Variants in ADGRV1 observed in about 807,000 individuals in gnomAD.
ADGRV1 encodes adhesion G protein-coupled receptor V1, also known as G-protein coupled receptor 98.
A neutral mutation model predicts 596.2 loss-of-function variants in ADGRV1; 359 were observed. That is an observed-to-expected ratio of 0.60 (90% CI 0.55 to 0.66). The LOEUF (loss-of-function observed/expected upper bound fraction) is 0.66. ADGRV1 is among the 30% of genes least tolerant of loss of function. ADGRV1 has a pLI of 0.00. For missense variants in ADGRV1, 7,274 were observed against 7,575.6 expected (o/e 0.96, Z 1.48); for synonymous variants, 2,681 against 2,679.2 (o/e 1.00, Z -0.02).
chr5:91,157,095 G>A (rs1405483670), intron 89 of ADGRV1, among the ~76,000 whole-genome samples: 2 of 152,174 alleles, frequency 1.3e-5, no homozygotes, highest in Non-Finnish European at 2.9e-5. Context: ...CCATGTCACT[G>A]GTTTATGCAA....
At chr5:91,141,838 G>A (rs1443789709) in intron 87 of ADGRV1, among the ~76,000 whole-genome samples, 2 of 152,144 alleles carry the variant, frequency 1.3e-5, no homozygotes, top group Non-Finnish European at 2.9e-5. Context: ...GACAGCAAAA[G>A]CAACAAGCCC....
intron 1 of ADGRV1, among the ~76,000 whole-genome samples, chr5:90,576,198 T>A (rs1196914651): frequency 6.6e-6 from 1 of 152,140 alleles, no homozygotes; most frequent in African/African-American, 2.4e-5. Context: ...TGTGTCATGT[T>A]GGTTTGCTGC....
At chr5:90,662,953 A>C (rs1359687447) in intron 21 of ADGRV1, among the ~76,000 whole-genome samples, 1 of 150,594 alleles carries the variant, frequency 6.6e-6, no homozygotes, top group African/African-American at 2.4e-5. Context: ...ATCATTTTTT[A>C]TGGCTGCATA....
chr5:90,810,686 G>T lies in ADGRV1; in HGVS notation c.15426G>T (p.Val5142=). 1 of 1,613,830 alleles carries T rather than the reference G, an allele frequency of 6.2e-7. No individual in the cohort carries two copies. Among genetic ancestry groups the T allele is most frequent in the Non-Finnish European group, 8.5e-7 (1 of 1,179,836 alleles). The stretch of plus-strand genomic sequence containing the variant: ...ATATTTCCTTCCCCGAGACAACTGT[G>T]GCTGTAGCAGTTGACACAACTCTCA... The part of the protein sequence containing the change: ...GMDISFPETT[V]AVAVDTTLIP... Residue 5142 remains valine, a synonymous_variant, in exon 74 of 90, where the codon GTG becomes GTT. Coordinates refer to ENST00000405460, the MANE Select transcript of ADGRV1 (RefSeq NM_032119.4).
chr5:90,597,839 A>G (rs1258964557), intron 1 of ADGRV1, among the ~76,000 whole-genome samples: 2 of 152,224 alleles, frequency 1.3e-5, no homozygotes, highest in Non-Finnish European at 2.9e-5. Flanking sequence ...TTATTCTTAG[A>G]GAAGAGTATG....
intron 50 of ADGRV1, among the ~76,000 whole-genome samples, chr5:90,734,731 A>T (rs905477191): frequency 2.6e-5 from 4 of 151,732 alleles, no homozygotes; most frequent in African/African-American, 7.3e-5. Flanking sequence ...GATTACAGGC[A>T]CCTGCCACCA....
intron 17 of ADGRV1, among the ~76,000 whole-genome samples, chr5:90,649,744 C>T (rs1173914172): frequency 2.0e-5 from 3 of 152,172 alleles, no homozygotes; most frequent in Non-Finnish European, 4.4e-5. Flanking sequence ...CCGCCTGGGC[C>T]CCCCAGGGTG....
intron 72 of ADGRV1, 22 bp downstream of exon 72, chr5:90,805,480 A>T (rs759567287): frequency 7.7e-6 from 12 of 1,555,132 alleles, no homozygotes; most frequent in Non-Finnish European, 1.1e-5. Flanking sequence ...TTTTTCTAAG[A>T]TGAGTCCTGT....
chr5:90,919,994 CAAAAAAAAAAAAAA>C (rs59122926), intron 83 of ADGRV1, among the ~76,000 whole-genome samples: 1 of 80,082 alleles, frequency 1.2e-5, no homozygotes, highest in Non-Finnish European at 2.5e-5. Flanking sequence ...AACTCCATCT[CAAAAAAAAAAAAAA>C]AAAAAAAGAA....
chr5:90,783,310 T>A lies in ADGRV1; in HGVS notation c.13418T>A (p.Ile4473Asn), dbSNP rs749361612. The A allele has an allele frequency of 6.2e-7, 1 of 1,609,594 alleles. No individual in the cohort carries two copies. Among genetic ancestry groups the A allele is most frequent in the Non-Finnish European group, 8.5e-7 (1 of 1,176,390 alleles). Residue 4473 changes from isoleucine (I) to asparagine (N), a missense_variant, in exon 66 of 90, where the codon ATT becomes AAT. Ile to Asn is a moderately radical substitution (Grantham distance 149). This residue lies in a region of ADGRV1 where 3,643 missense variants were observed against 3,809.2 expected (regional missense o/e 0.96). Transcript: ENST00000405460. ...TTAAGTTTTATAAATATCTCCATCATTGATGACAATGAAAGGTTGGTATAT... is the reference window on the plus strand; with the variant it reads ...TTAAGTTTTATAAATATCTCCATCAATGATGACAATGAAAGGTTGGTATAT... ...QNLSFINISI[I>N]DDNESEFEEP...
intron 9 of ADGRV1, among the ~76,000 whole-genome samples, chr5:90,633,735 A>T (rs1461456572): frequency 6.6e-6 from 1 of 152,122 alleles, no homozygotes; most frequent in Admixed American, 6.6e-5. Flanking sequence ...ACTAAAGATC[A>T]CGTTTTATTT....
In ADGRV1 at chr5:91,157,916, T is replaced by C. The variant is rs866726579; in HGVS notation, c.18802+4518T>C. On this transcript the variant is annotated intron_variant, in intron 89 of 89. Coordinates refer to ENST00000405460, the MANE Select transcript of ADGRV1 (RefSeq NM_032119.4). ...CTGAAGACTTCTACTTCAGGTGCTT[T>C]ACATCCTGCAGAGGCACTGACCTGG... Among the ~76,000 whole-genome samples the C allele has an allele frequency of 6.6e-5, 10 of 152,192 alleles. 1 individual carries two copies. Among genetic ancestry groups the C allele is most frequent in the Middle Eastern group, 3.2e-3 (1 of 316 alleles).
At chr5:91,108,874 G>A (rs1012471209) in intron 87 of ADGRV1, among the ~76,000 whole-genome samples, 5 of 152,218 alleles carry the variant, frequency 3.3e-5, no homozygotes, top group African/African-American at 4.8e-5. Flanking sequence ...TGGGATTATA[G>A]GCATGAGCCA....
chr5:90,940,754 A>G (rs1261590299), intron 83 of ADGRV1, among the ~76,000 whole-genome samples: 2 of 152,142 alleles, frequency 1.3e-5, no homozygotes, highest in East Asian at 3.9e-4. Flanking sequence ...ACTAGTTAGT[A>G]GTGACACAGA....
intron 83 of ADGRV1, among the ~76,000 whole-genome samples, chr5:90,913,677 C>A (rs1773099610): frequency 6.6e-6 from 1 of 152,082 alleles, no homozygotes; most frequent in Non-Finnish European, 1.5e-5. Flanking sequence ...TATCATAACT[C>A]ATGCTTCTCT....
chr5:90,724,807 G>A, intron 45 of ADGRV1, 25 bp from the exon 46 acceptor site: 1 of 1,609,178 alleles, frequency 6.2e-7, no homozygotes, highest in Non-Finnish European at 8.5e-7. Context: ...TAATAAACTA[G>A]TAAACCATGA....
chr5:90,865,784 A>G (rs1021688822), intron 83 of ADGRV1, among the ~76,000 whole-genome samples: 2 of 152,136 alleles, frequency 1.3e-5, no homozygotes, highest in African/African-American at 4.8e-5. Context: ...GCTTTAAAAA[A>G]TTCTTAGACC....
At chr5:90,909,038 G>A (rs932535072) in intron 83 of ADGRV1, among the ~76,000 whole-genome samples, 2 of 152,176 alleles carry the variant, frequency 1.3e-5, no homozygotes, top group African/African-American at 2.4e-5. Flanking sequence ...TCTGAAGAGA[G>A]TAAGAAATCT....
chr5:90,618,101 T>A, intron 3 of ADGRV1, 148 bp downstream of exon 3: 1 of 514,322 alleles, frequency 1.9e-6, no homozygotes, highest in Non-Finnish European at 3.3e-6. Flanking sequence ...ACTGACAACC[T>A]CTTCAGCGCT....
Sources: gnomAD v4.1 joint callset for allele counts (sites outside exome capture counted in the v4.1 genomes callset) on GRCh38, gnomAD v4.1.1 for gene constraint, gnomAD v4.1.1 regional missense constraint, MANE v1.5 for transcripts, NCBI Gene and HGNC (gene_info 2026-07-23, HGNC 2026-07-21) for gene names.